The following LTN1 variants were observed in gnomAD, a reference collection of about 807,000 sequenced individuals.
The protein encoded by LTN1 is E3 ubiquitin-protein ligase listerin.
In LTN1, 88 loss-of-function variants were observed where a neutral mutation model predicts 201.2. That is an observed-to-expected ratio of 0.44 (90% confidence interval 0.37 to 0.52). The LOEUF is 0.52. Among genes scored for constraint, LTN1 ranks in the 20% least tolerant of loss-of-function variants. The probability of loss-of-function intolerance (pLI) is 0.00; values close to 1 mark genes in which losing one functional copy is unlikely to be tolerated. For missense variants in LTN1, 1,752 were observed against 2,038.7 expected (o/e 0.86, Z 2.71); for synonymous variants, 645 against 713.5 (o/e 0.90, Z 1.53).
intron 1 of LTN1, among the ~76,000 whole-genome samples, chr21:28,989,898 C>T (rs1009338119): frequency 6.6e-6 from 1 of 151,870 alleles, no homozygotes; most frequent in Non-Finnish European, 1.5e-5. Flanking sequence ...TGCCTGTAAT[C>T]CCAGCTACTC....
At chr21:28,974,237 G>A (rs955312913) in intron 6 of LTN1, among the ~76,000 whole-genome samples, 1 of 151,990 alleles carries the variant, frequency 6.6e-6, no homozygotes, top group African/African-American at 2.4e-5. Context: ...AAATTAAAAG[G>A]CAAGCCATAT....
chr21:28,931,061 G>T, intron 29 of LTN1, 94 bp downstream of exon 29: 1 of 740,090 alleles, frequency 1.4e-6, no homozygotes, highest in Non-Finnish European at 2.1e-6. Flanking sequence ...GTTAGACATT[G>T]TGTAGGTGTG....
intron 1 of LTN1, 98 bp downstream of exon 1, chr21:28,992,666 C>A: frequency 7.2e-7 from 1 of 1,381,842 alleles, no homozygotes; most frequent in Non-Finnish European, 1.0e-6. Flanking sequence ...CACACGCCTC[C>A]CTACAGCCGC....
chr21:28,968,861 C>T (rs2084547843), intron 9 of LTN1, among the ~76,000 whole-genome samples: 1 of 151,712 alleles, frequency 6.6e-6, no homozygotes, highest in Admixed American at 6.6e-5. Context: ...CCCACCTCGG[C>T]CTTCCAAAGT....
chr21:28,985,753 C>T (rs532111824), intron 3 of LTN1, among the ~76,000 whole-genome samples: 200 of 151,832 alleles, frequency 1.3e-3, no homozygotes, highest in African/African-American at 4.6e-3. Flanking sequence ...TCCGCCCCAC[C>T]GGGTTCAAGC....
At chr21:28,952,061 C>T (rs2084386950) in intron 18 of LTN1, 99 bp downstream of exon 18, 1 of 634,608 alleles carries the variant, frequency 1.6e-6, no homozygotes, top group African/African-American at 1.9e-5. Context: ...TTTCCTAAAC[C>T]TGTTTTCTTG....
intron 25 of LTN1, among the ~76,000 whole-genome samples, chr21:28,937,741 C>T (rs771947627): frequency 1.3e-5 from 2 of 152,102 alleles, no homozygotes; most frequent in Non-Finnish European, 2.9e-5. Context: ...AGGAAATGCT[C>T]CTGGAGCATT....
intron 6 of LTN1, among the ~76,000 whole-genome samples, chr21:28,974,951 G>T (rs992155776): frequency 6.6e-6 from 1 of 151,914 alleles, no homozygotes; most frequent in Non-Finnish European, 1.5e-5. Context: ...ATAATGGTTT[G>T]GTATGGGTCT....
At chr21:28,936,446 C>T in intron 26 of LTN1, 80 bp downstream of exon 26, 1 of 1,207,436 alleles carries the variant, frequency 8.3e-7, no homozygotes. Context: ...GGTTATTCTC[C>T]ACATTCTCAG....
Position 28,986,714 on chromosome 21 carries a change from A to G in LTN1, c.246+17T>C. On this transcript the variant is annotated intron_variant, in intron 2 of 29. Coordinates refer to ENST00000361371, the MANE Select transcript of LTN1 (RefSeq NM_015565.3). This position sits in a 1 kb window ranked among gnomAD's most constrained non-coding sequence, Gnocchi z 4.1. ...AGGGATTTTCTTGATAATTTTTATGAAAACAAGAAAACTTGCTTTTAATTT... is the reference window on the plus strand; with the variant it reads ...AGGGATTTTCTTGATAATTTTTATGGAAACAAGAAAACTTGCTTTTAATTT... 6.3e-7 allele frequency: 1 copy of G among 1,585,670 alleles called. No homozygotes were observed. Among genetic ancestry groups the G allele is most frequent in the Non-Finnish European group, 8.6e-7 (1 of 1,160,090 alleles).
chr21:28,936,206 G>A (rs905547578), intron 26 of LTN1, among the ~76,000 whole-genome samples: 3 of 152,118 alleles, frequency 2.0e-5, no homozygotes, highest in Non-Finnish European at 4.4e-5. Context: ...TGAGCTCCCA[G>A]AATGAAATGT....
Position 28,929,233 on chromosome 21 carries a change from A to G in LTN1, c.*1215T>C, listed in dbSNP as rs990166447. The G allele has an allele frequency of 6.6e-6, 1 of 152,606 alleles. No homozygotes were observed. Among genetic ancestry groups the G allele is most frequent in the Admixed American group, 6.5e-5 (1 of 15,284 alleles). The allele number at this position is 152,606 out of a possible 1,614,324, so 9.5% of individuals were successfully genotyped here. Reference sequence around the variant, plus strand: ...ATTTATCATGAATTGCTTTTTGCCAATTAAACATGTGCAACAGAGATGATT... The same window carrying G: ...ATTTATCATGAATTGCTTTTTGCCAGTTAAACATGTGCAACAGAGATGATT... On this transcript the variant is annotated 3_prime_UTR_variant, in exon 30 of 30. Transcript: ENST00000361371.
intron 18 of LTN1, among the ~76,000 whole-genome samples, chr21:28,950,559 A>G (rs1349556315): frequency 6.6e-6 from 1 of 152,208 alleles, no homozygotes; most frequent in Admixed American, 6.5e-5. Context: ...TCTGTTGCCC[A>G]GGCTGGAGTG....
Position 28,953,403 on chromosome 21 carries a change from T to C in LTN1, c.3080-27A>G, listed in dbSNP as rs376109910. On this transcript the variant is annotated intron_variant, in intron 16 of 29. Transcript: ENST00000361371. The stretch of plus-strand genomic sequence containing the variant: ...TAAAAGAAGAGACAGCACCAAATTA[T>C]GAAAAGCACTCTGTGAACAAACCCT... The C allele has an allele frequency of 1.0e-5, 16 of 1,542,066 alleles. No individual in the cohort carries two copies. The East Asian group carries it at 1.6e-4, about 16-fold the overall frequency.
At chr21:28,963,524 A>G (rs1280014630) in intron 11 of LTN1, among the ~76,000 whole-genome samples, 1 of 152,252 alleles carries the variant, frequency 6.6e-6, no homozygotes, top group East Asian at 1.9e-4. Flanking sequence ...ATAAGTAGAA[A>G]TATTACTACT....
chr21:28,966,700 G>A lies in LTN1; in HGVS notation c.1791C>T (p.Leu597=), dbSNP rs757769609. Residue 597 remains leucine, a synonymous_variant, in exon 10 of 30, where the codon CTC becomes CTT. Transcript: ENST00000361371. ...KKPLEDLVCK[L]ADISINYVNE... Reference sequence around the variant, plus strand: ...TGACATAATTAATACTTATATCTGCGAGTTTACAGACTAAGTCTTCCAAAG... The same window carrying A: ...TGACATAATTAATACTTATATCTGCAAGTTTACAGACTAAGTCTTCCAAAG... 1.4e-5 allele frequency: 23 copies of A among 1,613,804 alleles called. No homozygotes were observed. Among genetic ancestry groups the A allele is most frequent in the African/African-American group, 1.2e-4 (9 of 74,900 alleles).
Position 28,945,948 on chromosome 21 carries a change from A to T in LTN1, c.3627T>A (p.Asn1209Lys). ...EHEDIFLFSC[N>K]LSEASPEVLG... ...GTACCTCTGGACTTGCTTCTGATAG[A>T]TTACTGTGATAAAGATAAAAACAAA... Residue 1209 changes from asparagine to lysine, a missense_variant, in exon 21 of 30, where the codon AAT becomes AAA. Asn to Lys is a moderately conservative substitution (Grantham distance 94, BLOSUM62 0). Coordinates refer to ENST00000361371, the MANE Select transcript of LTN1 (RefSeq NM_015565.3). 3.1e-6 allele frequency: 5 copies of T among 1,605,848 alleles called. No individual in the cohort carries two copies. The highest frequency in any genetic ancestry group is 4.2e-6 in the Non-Finnish European group (5 of 1,176,714).
At position 28,943,679 on chromosome 21, in the gene LTN1, T is replaced by C; in HGVS notation, c.4208A>G (p.His1403Arg). ...GATGAATTCTTACTTGTATAGCATA[T>C]GATAAACAGCAATTTGCACAGGCCT... ...RARPVQIAVY[H>R]MLYKLMPELP... Residue 1403 changes from histidine to arginine, a missense_variant, in exon 23 of 30, where the codon CAT becomes CGT. Around this residue, in one of 3 missense-constraint regions of LTN1, gnomAD observed 1,211 missense variants for 1,312.8 expected, o/e 0.92. Coordinates refer to ENST00000361371, the MANE Select transcript of LTN1 (RefSeq NM_015565.3). The C allele has an allele frequency of 6.2e-7, 1 of 1,603,738 alleles. No individual in the cohort carries two copies. The highest frequency in any genetic ancestry group is 8.5e-7 in the Non-Finnish European group (1 of 1,170,636).
intron 1 of LTN1, among the ~76,000 whole-genome samples, 180 bp downstream of exon 1, chr21:28,992,584 A>G (rs2084756159): frequency 6.6e-6 from 1 of 152,052 alleles, no homozygotes; most frequent in Admixed American, 6.6e-5. Context: ...CGATTCCCCA[A>G]TCTGCTCAGA....
Sources: allele counts gnomAD v4.1 joint callset (sites outside exome capture counted in the v4.1 genomes callset), GRCh38; gene constraint gnomAD v4.1.1; regional missense constraint gnomAD v4.1.1; non-coding constraint Gnocchi (gnomAD v3.1); transcripts MANE v1.5; gene names NCBI Gene and HGNC (gene_info 2026-07-23, HGNC 2026-07-21).